CDYL: variants seen among roughly 807,000 people sequenced by gnomAD.
The protein encoded by CDYL is chromodomain Y like, also known as chromodomain Y-like protein.
In CDYL, 8 loss-of-function variants were observed where a neutral mutation model predicts 47.3. The observed-to-expected ratio is 0.17, with a 90% CI of 0.10 to 0.31. CDYL has a LOEUF of 0.31. Among genes scored for constraint, CDYL ranks in the 10% least tolerant of loss-of-function variants. The pLI is 1.00. For missense variants in CDYL, 471 were observed against 701.4 expected, an observed-to-expected ratio of 0.67 and a Z score of 3.71; for synonymous variants, 266 against 265.0, an observed-to-expected ratio of 1.00 and a Z score of -0.04.
intron 1 of CDYL, among the ~76,000 whole-genome samples, chr6:4,858,114 G>A (rs808612): frequency 0.023 from 3,483 of 151,326 alleles, 135 homozygotes; most frequent in African/African-American, 0.08. Flanking sequence ...AATGCAAGAA[G>A]TTCAACTAGG....
intron 2 of CDYL, among the ~76,000 whole-genome samples, chr6:4,897,334 A>G (rs1234699978): frequency 1.3e-5 from 2 of 152,234 alleles, no homozygotes; most frequent in South Asian, 2.1e-4. Context: ...TAGTAGGAAA[A>G]TGACTGAGGA....
At chr6:4,874,579 A>C (rs547660557) in intron 1 of CDYL, among the ~76,000 whole-genome samples, 1 of 152,352 alleles carries the variant, frequency 6.6e-6, no homozygotes, top group Admixed American at 6.5e-5. Flanking sequence ...TAGGTGCGTT[A>C]AATGAGATAT....
chr6:4,758,351 A>AAAATATATATAT (rs1554134098), intron 3 of CDYL, among the ~76,000 whole-genome samples: 2 of 129,084 alleles, frequency 1.5e-5, no homozygotes, highest in African/African-American at 6.1e-5. Context: ...AAAATAAATA[A>AAAATATATATAT]ATATATATAT....
At chr6:4,820,080 C>G (rs1759791438) in intron 1 of CDYL, among the ~76,000 whole-genome samples, 1 of 152,102 alleles carries the variant, frequency 6.6e-6, no homozygotes, top group Non-Finnish European at 1.5e-5. Context: ...ATCCATCTCC[C>G]TCTGTGTTCT....
rs192936299 is a variant in CDYL at position 4,806,899 on chromosome 6, C to T, written c.24+30092C>T. 1.8e-3 allele frequency among the ~76,000 whole-genome samples: 276 copies of T among 152,346 alleles called. 1 individual carries two copies. The highest frequency in any genetic ancestry group is 6.5e-3 in the African/African-American group (270 of 41,576). ...CAAACCAAGTGGCTCAGGCAACAGA[C>T]ATTTGTTTCCTCACTGTTTCTGAGG... On this transcript the variant is annotated intron_variant, in intron 1 of 6. Transcript: ENST00000397588.
intron 2 of CDYL, among the ~76,000 whole-genome samples, chr6:4,924,305 G>A (rs960035176): frequency 4.6e-5 from 7 of 152,104 alleles, no homozygotes; most frequent in East Asian, 3.9e-4. Context: ...CTTAGCTTAC[G>A]TTCTTCTCTC....
intron 3 of CDYL, among the ~76,000 whole-genome samples, chr6:4,752,263 C>T (rs1054679459): frequency 7.2e-5 from 11 of 152,140 alleles, no homozygotes; most frequent in African/African-American, 1.7e-4. Context: ...TCTGGGCAGC[C>T]GTTCCCTTCC....
intron 1 of CDYL, among the ~76,000 whole-genome samples, chr6:4,830,014 G>A (rs575151790): frequency 5.1e-4 from 77 of 152,354 alleles, no homozygotes; most frequent in African/African-American, 1.8e-3. Flanking sequence ...TGATAATGTT[G>A]GTTGTAAGAA....
chr6:4,758,349 T>TAA lies in CDYL; in HGVS notation c.186+23507_186+23508dup, dbSNP rs1274065342. ...ACAAGACTCATGTCTTGAAAATAAA[T>TAA]AAATATATATATATATATATATCTC... On this transcript the variant is annotated intron_variant, in intron 3 of 8. Transcript: ENST00000328908. Among the ~76,000 whole-genome samples the TAA allele has an allele frequency of 8.6e-4, 41 of 47,436 alleles. 1 individual carries two copies. Among genetic ancestry groups the TAA allele is most frequent in the African/African-American group, 1.7e-3 (37 of 21,288 alleles). The allele number at this position is 47,436 out of a possible 152,430, so 31.1% of individuals were successfully genotyped here. A position where few individuals can be genotyped will look rare whatever the true frequency, so the allele number is the denominator to read the frequency against.
intron 3 of CDYL, among the ~76,000 whole-genome samples, chr6:4,754,022 C>T (rs1758037468): frequency 6.6e-6 from 1 of 152,058 alleles, no homozygotes; most frequent in Non-Finnish European, 1.5e-5. Flanking sequence ...TTATCCCTAG[C>T]TACTTGGGAG....
At chr6:4,743,862 A>G (rs911629161) in intron 3 of CDYL, among the ~76,000 whole-genome samples, 1 of 152,266 alleles carries the variant, frequency 6.6e-6, no homozygotes, top group East Asian at 1.9e-4. Flanking sequence ...CAATTTGCTT[A>G]TTAATTATAA....
chr6:4,919,293 C>G (rs1482886319), intron 2 of CDYL, among the ~76,000 whole-genome samples: 1 of 151,542 alleles, frequency 6.6e-6, no homozygotes, highest in Non-Finnish European at 1.5e-5. Context: ...TGGCATACAG[C>G]AGTTCCAGGA....
intron 1 of CDYL, among the ~76,000 whole-genome samples, chr6:4,880,107 G>C (rs1761725400): frequency 6.6e-6 from 1 of 151,888 alleles, no homozygotes; most frequent in Non-Finnish European, 1.5e-5. Flanking sequence ...CTATGGGTTA[G>C]ACAAATGTAT....
intron 1 of CDYL, among the ~76,000 whole-genome samples, chr6:4,804,325 C>T (rs971325017): frequency 3.3e-5 from 5 of 152,188 alleles, no homozygotes; most frequent in Admixed American, 6.5e-5. Context: ...AAGTGCGGGG[C>T]GCTGCCTAAG....
At chr6:4,706,916 G>A (rs112238504) in intron 1 of CDYL, among the ~76,000 whole-genome samples, 2 of 152,156 alleles carry the variant, frequency 1.3e-5, no homozygotes, top group African/African-American at 2.4e-5. Context: ...GTGGGGACTC[G>A]CCAAAAGCTT....
chr6:4,769,669 T>C (rs1025486013), intron 3 of CDYL, among the ~76,000 whole-genome samples: 17 of 152,368 alleles, frequency 1.1e-4, no homozygotes, highest in African/African-American at 3.6e-4. Context: ...ATGTCCAGTG[T>C]GCCCACGGGG....
chr6:4,925,607 G>A lies in CDYL; in HGVS notation c.692-9908G>A, dbSNP rs539521766. On this transcript the variant is annotated intron_variant, in intron 2 of 6. Transcript: ENST00000397588. ...ATTTTTTTGTATTTTTAGTAGAGGC[G>A]GGGTTTCACCGTGTCAGCCAGGATG... Among the ~76,000 whole-genome samples, 14 of 151,848 alleles carry A rather than the reference G, an allele frequency of 9.2e-5. No individual in the cohort carries two copies. The South Asian group carries it at 1.7e-3, about 18-fold the overall frequency.
intron 1 of CDYL, among the ~76,000 whole-genome samples, chr6:4,887,879 CTTCT>C (rs1761939906): frequency 6.9e-6 from 1 of 143,912 alleles, no homozygotes; most frequent in African/African-American, 2.6e-5. Context: ...AGTTTACTGA[CTTCT>C]TTTTTTTTTT....
chr6:4,711,110 C>T (rs1276762420), intron 1 of CDYL, among the ~76,000 whole-genome samples: 1 of 152,176 alleles, frequency 6.6e-6, no homozygotes, highest in Non-Finnish European at 1.5e-5. Context: ...GACTTATCCC[C>T]ACCACCAGTC....
Sources: allele counts gnomAD v4.1 joint callset (sites outside exome capture counted in the v4.1 genomes callset), GRCh38; gene constraint gnomAD v4.1.1; transcripts MANE v1.5; gene names NCBI Gene and HGNC (gene_info 2026-07-23, HGNC 2026-07-21).